Variants in BTRC observed in about 807,000 individuals in gnomAD.
BTRC encodes beta-transducin repeat containing E3 ubiquitin protein ligase.
In BTRC, 42 loss-of-function variants were observed where a neutral mutation model predicts 85.5. That is an observed-to-expected ratio of 0.49 (90% CI 0.38 to 0.64). BTRC has a LOEUF of 0.64. Ranked by LOEUF, BTRC falls within the 30% of genes least tolerant of loss-of-function variation. The pLI is 0.00. For missense variants in BTRC, 594 were observed against 743.5 expected, an observed-to-expected ratio of 0.80 and a Z score of 2.34; for synonymous variants, 255 against 263.3, an observed-to-expected ratio of 0.97 and a Z score of 0.30.
chr10:101,532,219 A>G (rs796812533), intron 7 of BTRC, 76 bp from the exon 8 acceptor site: 33 of 1,475,596 alleles, frequency 2.2e-5, no homozygotes, highest in South Asian at 1.2e-4. Context: ...TGAGCCATTG[A>G]TTGTCATTAA....
intron 1 of BTRC, among the ~76,000 whole-genome samples, chr10:101,427,113 C>CTTT (rs138285266): frequency 1.1e-3 from 115 of 109,344 alleles, no homozygotes; most frequent in African/African-American, 1.6e-3. Flanking sequence ...TTTTTTCTTT[C>CTTT]TTTTTTTTTT....
At chr10:101,392,971 A>G (rs1943275376) in intron 1 of BTRC, among the ~76,000 whole-genome samples, 1 of 152,142 alleles carries the variant, frequency 6.6e-6, no homozygotes, top group South Asian at 2.1e-4. Flanking sequence ...AGACCTCAGG[A>G]AATAGTCTGT....
intron 1 of BTRC, among the ~76,000 whole-genome samples, chr10:101,359,781 G>A (rs553011698): frequency 7.9e-5 from 12 of 151,868 alleles, no homozygotes; most frequent in Non-Finnish European, 1.5e-4. Flanking sequence ...TGTATTTTTG[G>A]TAGAGACAGG....
At chr10:101,539,961 T>G (rs1207385962) in intron 13 of BTRC, among the ~76,000 whole-genome samples, 1 of 152,200 alleles carries the variant, frequency 6.6e-6, no homozygotes, top group Admixed American at 6.5e-5. Flanking sequence ...TGTTCAAATC[T>G]TTTCCCATTT....
chr10:101,413,614 T>A (rs1465103798), intron 1 of BTRC, among the ~76,000 whole-genome samples: 2 of 152,102 alleles, frequency 1.3e-5, no homozygotes, highest in Admixed American at 6.6e-5. Context: ...GCACCCAGCC[T>A]GAGGGAAGTG....
At chr10:101,387,527 A>AATTTTTTTTTTTTTTT in intron 1 of BTRC, among the ~76,000 whole-genome samples, 1 of 17,000 alleles carries the variant, frequency 5.9e-5, no homozygotes, top group African/African-American at 4.9e-4. Flanking sequence ...CCTTCATGGG[A>AATTTTTTTTTTTTTTT]CTTTTTTTTT....
Position 101,534,696 on chromosome 10 carries a change from C to T in BTRC, c.1133C>T (p.Thr378Met). The T allele has an allele frequency of 2.5e-6, 4 of 1,614,068 alleles. No homozygotes were observed. The highest frequency in any genetic ancestry group is 2.5e-6 in the Non-Finnish European group (3 of 1,179,968). The stretch of plus-strand genomic sequence containing the variant: ...GTAAATACAGGTGAAATGCTAAACA[C>T]GTTGATTCACCATTGTGAAGCAGTT... ...WDVNTGEMLN[T>M]LIHHCEAVLH... The change falls in exon 10 of 15, where the codon ACG becomes ATG. Residue 378 changes from threonine (T) to methionine (M), a missense_variant. Thr to Met is a moderately conservative substitution (Grantham distance 81). This residue lies in a region of BTRC where 373 missense variants were observed against 503.6 expected (regional missense o/e 0.74). Coordinates refer to ENST00000370187, the MANE Select transcript of BTRC (RefSeq NM_033637.4).
At position 101,533,014 on chromosome 10, in the gene BTRC, C is replaced by T; in HGVS notation, c.1041C>T (p.Leu347=). 4 of 1,613,734 alleles carry T rather than the reference C, an allele frequency of 2.5e-6. No individual in the cohort carries two copies. Among genetic ancestry groups the T allele is most frequent in the Non-Finnish European group, 3.4e-6 (4 of 1,179,848 alleles). The change falls in exon 9 of 15, where the codon CTC becomes CTT. Residue 347 remains leucine (L), a synonymous_variant. Coordinates refer to ENST00000370187, the MANE Select transcript of BTRC (RefSeq NM_033637.4). ...RILTGHTGSV[L]CLQYDERVII... ...TCACAGGCCATACAGGTTCAGTCCT[C>T]TGTCTCCAGTATGATGAGAGAGTGA...
chr10:101,532,765 T>TGC (rs1310107663), intron 8 of BTRC, among the ~76,000 whole-genome samples, 187 bp from the exon 9 acceptor site: 2 of 70,826 alleles, frequency 2.8e-5, no homozygotes, highest in Non-Finnish European at 4.8e-5. Flanking sequence ...TGTGTGTGTG[T>TGC]GTGTGTGTGT....
chr10:101,458,509 T>A (rs1243506075), intron 2 of BTRC, among the ~76,000 whole-genome samples: 1 of 152,154 alleles, frequency 6.6e-6, no homozygotes. Context: ...ATTTTAATGG[T>A]GGGGAAACAA....
At chr10:101,391,534 T>A (rs1408071041) in intron 1 of BTRC, among the ~76,000 whole-genome samples, 1 of 152,216 alleles carries the variant, frequency 6.6e-6, no homozygotes, top group Non-Finnish European at 1.5e-5. Flanking sequence ...AGTTCAGCCT[T>A]CCCAAAATGC....
In BTRC at chr10:101,472,225, C is replaced by CCCTT. The variant is rs908749866; in HGVS notation, c.235-7128_235-7125dup. ...CTTTCTTTCCATATTTCATTTTTCT[C>CCCTT]CCTTCCTTCCTTCCTTCCCCTTCCT... is the stretch of plus-strand genomic sequence containing the variant. On this transcript the variant is annotated intron_variant, in intron 3 of 14. Coordinates refer to ENST00000370187, the MANE Select transcript of BTRC (RefSeq NM_033637.4). Among the ~76,000 whole-genome samples the CCCTT allele has an allele frequency of 4.5e-4, 67 of 149,910 alleles. 1 individual carries two copies. The Middle Eastern group carries it at 0.017, about 39-fold the overall frequency.
rs765974783 is a variant in BTRC at position 101,478,941 on chromosome 10, G to GAAA, written c.235-411_235-409dup. ...GTGACAGAGCAAGACTCCATCTGGGGAAAAAAAAAAAAAAAAAAGAAACAT... is the reference window on the plus strand; with the variant it reads ...GTGACAGAGCAAGACTCCATCTGGGGAAAAAAAAAAAAAAAAAAAAAGAAACAT... On this transcript the variant is annotated intron_variant, in intron 3 of 14. Transcript: ENST00000370187. Among the ~76,000 whole-genome samples, 17 of 98,026 alleles carry GAAA rather than the reference G, an allele frequency of 1.7e-4. No individual in the cohort carries two copies. In the East Asian group the frequency reaches 4.7e-3, roughly 27 times the overall value. The allele number at this position is 98,026 out of a possible 152,430, so 64.3% of individuals were successfully genotyped here.
At chr10:101,493,366 A>C (rs1198866756) in intron 4 of BTRC, among the ~76,000 whole-genome samples, 1 of 152,246 alleles carries the variant, frequency 6.6e-6, no homozygotes, top group Non-Finnish European at 1.5e-5. Flanking sequence ...AAATCATCAC[A>C]ATAGTCTCAT....
chr10:101,513,015 T>C (rs1467404168), intron 4 of BTRC, among the ~76,000 whole-genome samples: 1 of 152,236 alleles, frequency 6.6e-6, no homozygotes, highest in Admixed American at 6.5e-5. Context: ...GTAACCATTA[T>C]ATCTCTCATA....
At chr10:101,423,955 T>C (rs7904809) in intron 1 of BTRC, among the ~76,000 whole-genome samples, 151,793 of 152,304 alleles carry the variant, frequency 1, 75,646 homozygotes, top group Middle Eastern at 1. Flanking sequence ...TTTAGCCGGG[T>C]GAGGTGGCTC....
chr10:101,511,444 C>G (rs928495262), intron 4 of BTRC, among the ~76,000 whole-genome samples: 1 of 152,212 alleles, frequency 6.6e-6, no homozygotes, highest in African/African-American at 2.4e-5. Context: ...TGATCTCACT[C>G]TGTTGCCCAG....
chr10:101,355,832 A>G (rs1035383187), intron 1 of BTRC, among the ~76,000 whole-genome samples: 7 of 152,222 alleles, frequency 4.6e-5, no homozygotes, highest in African/African-American at 1.2e-4. Flanking sequence ...ATTAAAATTC[A>G]GGGGTATCAT....
chr10:101,549,587 G>T (rs564098498), intron 13 of BTRC, among the ~76,000 whole-genome samples: 4 of 151,468 alleles, frequency 2.6e-5, no homozygotes, highest in African/African-American at 9.7e-5. Flanking sequence ...GGTGGCAGGC[G>T]CCTGTAGTCC....
Sources: allele counts gnomAD v4.1 joint callset (sites outside exome capture counted in the v4.1 genomes callset), GRCh38; gene constraint gnomAD v4.1.1; regional missense constraint gnomAD v4.1.1; transcripts MANE v1.5; gene names NCBI Gene and HGNC (gene_info 2026-07-23, HGNC 2026-07-21).